PARD3B: variants seen among roughly 807,000 people sequenced by gnomAD.
The protein encoded by PARD3B is partitioning defective 3 homolog B.
Under a neutral mutation model 130.2 loss-of-function variants are expected in PARD3B, and 103 were observed. The observed-to-expected ratio is 0.79, with a 90% CI of 0.67 to 0.93. The LOEUF (loss-of-function observed/expected upper bound fraction) is 0.93, where lower values mean the gene tolerates loss of function less well. Among genes scored for constraint, PARD3B ranks in the 40% least tolerant of loss-of-function variants. PARD3B has a pLI of 0.00. For missense variants in PARD3B, 1,609 were observed against 1,499.2 expected, an observed-to-expected ratio of 1.07 and a Z score of -1.21; for synonymous variants, 583 against 553.2, an observed-to-expected ratio of 1.05 and a Z score of -0.76.
rs1329377481 is a variant in PARD3B, at chr2:204,610,025, G to A, written c.120+63906G>A. Among the ~76,000 whole-genome samples the A allele has an allele frequency of 3.9e-5, 6 of 152,102 alleles. No individual in the cohort carries two copies. Among genetic ancestry groups the A allele is most frequent in the Admixed American group, 6.5e-5 (1 of 15,272 alleles). On this transcript the variant is annotated intron_variant, in intron 1 of 22. Transcript: ENST00000406610. This position sits in a 1 kb window ranked among gnomAD's most constrained non-coding sequence, Gnocchi z 4.1. ...CTATACCAGAGTCAGGTTGGAACTT[G>A]GTGTCTTATTGCCACAAAGCGTCTG...
At chr2:205,359,905 T>A (rs1181334393) in intron 18 of PARD3B, among the ~76,000 whole-genome samples, 1 of 152,180 alleles carries the variant, frequency 6.6e-6, no homozygotes, top group Non-Finnish European at 1.5e-5. Flanking sequence ...ATGCATTCTG[T>A]CCTTACTACT....
intron 20 of PARD3B, among the ~76,000 whole-genome samples, chr2:205,497,964 G>A (rs1346523606): frequency 1.3e-5 from 2 of 150,952 alleles, no homozygotes; most frequent in Non-Finnish European, 2.9e-5. Flanking sequence ...ATCACTTGAG[G>A]TCAGGAGTAC....
chr2:204,977,173 C>T lies in PARD3B; in HGVS notation c.394+11850C>T, dbSNP rs72940500. On this transcript the variant is annotated intron_variant, in intron 3 of 22. Transcript: ENST00000406610. ...CCACAAAGGTTTCAAATAATGCCTT[C>T]GTGCTTGTTTTTAGAGATTCATAGA... Among the ~76,000 whole-genome samples, 292 of 152,136 alleles carry T rather than the reference C, an allele frequency of 1.9e-3. 2 individuals are homozygous for T. The highest frequency in any genetic ancestry group is 6.0e-3 in the African/African-American group (251 of 41,524).
At chr2:205,059,032 A>G (rs1346199988) in intron 4 of PARD3B, among the ~76,000 whole-genome samples, 1 of 150,776 alleles carries the variant, frequency 6.6e-6, no homozygotes, top group Middle Eastern at 3.2e-3. Flanking sequence ...ATTTTGCCTT[A>G]TGTTTTCTTC....
intron 2 of PARD3B, among the ~76,000 whole-genome samples, chr2:204,721,995 T>C (rs565976571): frequency 6.6e-6 from 1 of 152,260 alleles, no homozygotes; most frequent in South Asian, 2.1e-4. Flanking sequence ...CCACTGTGTC[T>C]GGCACAAAAA....
chr2:205,533,571 T>TA (rs1242650952), intron 21 of PARD3B, among the ~76,000 whole-genome samples: 1 of 152,220 alleles, frequency 6.6e-6, no homozygotes, highest in Non-Finnish European at 1.5e-5. Context: ...AAAGTTTTTT[T>TA]ATCATCGAGT....
At position 204,943,910 on chromosome 2, in the gene PARD3B, T is replaced by G. The variant is rs534933339; in HGVS notation, c.223-21242T>G. On this transcript the variant is annotated intron_variant, in intron 2 of 22. Transcript: ENST00000406610. This position sits in a 1 kb window ranked among gnomAD's most constrained non-coding sequence, Gnocchi z 4.2. Reference sequence around the variant, plus strand: ...AAAGAGTAAAATACTAAAGGGAAATTTAAAATAAATGCTAGCAATAAGTTA... The same window carrying G: ...AAAGAGTAAAATACTAAAGGGAAATGTAAAATAAATGCTAGCAATAAGTTA... Among the ~76,000 whole-genome samples, 5 of 152,178 alleles carry G rather than the reference T, an allele frequency of 3.3e-5. No homozygotes were observed. The South Asian group carries it at 1.0e-3, about 32-fold the overall frequency.
chr2:205,053,647 A>G (rs1294112380), intron 4 of PARD3B, among the ~76,000 whole-genome samples: 1 of 152,060 alleles, frequency 6.6e-6, no homozygotes, highest in Non-Finnish European at 1.5e-5. Flanking sequence ...ATCTCAAAAA[A>G]AAAAAAAAAA....
chr2:204,737,163 G>A (rs2039794582), intron 2 of PARD3B, among the ~76,000 whole-genome samples: 1 of 152,128 alleles, frequency 6.6e-6, no homozygotes, highest in East Asian at 1.9e-4. Flanking sequence ...GTAGTGATGG[G>A]GTTTCTCCAT....
chr2:205,330,796 C>T lies in PARD3B; in HGVS notation c.2630+29095C>T, dbSNP rs556601379. On this transcript the variant is annotated intron_variant, in intron 18 of 22. Transcript: ENST00000406610. ...TTTCAGCTTTACTCCCAAGACAGTG[C>T]GGAGCAAGAAGGGTTAGAGAAAGGA... 1.3e-3 allele frequency among the ~76,000 whole-genome samples: 203 copies of T among 152,236 alleles called. 3 individuals carry two copies. The highest frequency in any genetic ancestry group is 4.5e-3 in the African/African-American group (186 of 41,536).
intron 4 of PARD3B, among the ~76,000 whole-genome samples, chr2:205,075,877 TAA>T (rs1701027249): frequency 6.6e-6 from 1 of 152,028 alleles, no homozygotes; most frequent in Non-Finnish European, 1.5e-5. Flanking sequence ...TTCAAACTGA[TAA>T]AACTAATATT....
chr2:205,086,073 T>G (rs1289095782), intron 4 of PARD3B, among the ~76,000 whole-genome samples: 1 of 152,196 alleles, frequency 6.6e-6, no homozygotes, highest in African/African-American at 2.4e-5. Context: ...ACTGCTTTAT[T>G]AGTTGCATAG....
intron 3 of PARD3B, among the ~76,000 whole-genome samples, chr2:205,009,329 T>C (rs1425829222): frequency 6.6e-6 from 1 of 152,200 alleles, no homozygotes; most frequent in Non-Finnish European, 1.5e-5. Context: ...GAGAAAAACA[T>C]ACCAAGAAAG....
At chr2:204,934,375 T>G (rs1452165504) in intron 2 of PARD3B, among the ~76,000 whole-genome samples, 2 of 152,178 alleles carry the variant, frequency 1.3e-5, no homozygotes, top group Admixed American at 6.5e-5. Context: ...CACTGCTAGT[T>G]TCGGGGGGAA....
intron 2 of PARD3B, among the ~76,000 whole-genome samples, chr2:204,737,503 G>A (rs1295532827): frequency 6.6e-6 from 1 of 152,116 alleles, no homozygotes; most frequent in Non-Finnish European, 1.5e-5. Flanking sequence ...TGTGAACTTT[G>A]CAAATATTTT....
intron 1 of PARD3B, among the ~76,000 whole-genome samples, chr2:204,611,613 G>C (rs543074367): frequency 7.2e-5 from 11 of 152,132 alleles, no homozygotes; most frequent in African/African-American, 2.4e-4. Context: ...CAGACTTTTA[G>C]CATCAGTAAG....
At chr2:204,914,416 A>C (rs1305431900) in intron 2 of PARD3B, among the ~76,000 whole-genome samples, 1 of 152,162 alleles carries the variant, frequency 6.6e-6, no homozygotes, top group Non-Finnish European at 1.5e-5. Context: ...TCCTCTGATC[A>C]TCATTTTAAC....
At chr2:204,791,943 TA>T (rs891719806) in intron 2 of PARD3B, among the ~76,000 whole-genome samples, 6 of 152,220 alleles carry the variant, frequency 3.9e-5, no homozygotes, top group African/African-American at 1.4e-4. Flanking sequence ...TGGATGTGTT[TA>T]AAAGTTCCTA....
intron 2 of PARD3B, among the ~76,000 whole-genome samples, chr2:204,749,896 A>T (rs531761964): frequency 6.6e-6 from 1 of 152,286 alleles, no homozygotes; most frequent in East Asian, 1.9e-4. Flanking sequence ...AATAAGATAA[A>T]TTTCTACATG....
Sources: allele counts gnomAD v4.1 joint callset (sites outside exome capture counted in the v4.1 genomes callset), GRCh38; gene constraint gnomAD v4.1.1; non-coding constraint Gnocchi (gnomAD v3.1); transcripts MANE v1.5; gene names NCBI Gene and HGNC (gene_info 2026-07-23, HGNC 2026-07-21).